Variants in GFI1B observed in about 807,000 individuals in gnomAD.
GFI1B encodes the protein growth factor independent 1B transcriptional repressor, also known as zinc finger protein Gfi-1b.
Under a neutral mutation model 35.3 loss-of-function variants are expected in GFI1B, and 20 were observed. That is an observed-to-expected ratio of 0.57 (90% CI 0.40 to 0.82). GFI1B has a LOEUF of 0.82. Ranked by LOEUF, GFI1B falls within the 40% of genes least tolerant of loss-of-function variation. GFI1B has a pLI of 0.00. For synonymous variants in GFI1B, 178 were observed against 177.6 expected (o/e 1.00, Z -0.02); for missense variants, 430 against 446.3 (o/e 0.96, Z 0.33).
At chr9:132,984,753 C>T (rs1181065823) in intron 1 of GFI1B, among the ~76,000 whole-genome samples, 1 of 152,202 alleles carries the variant, frequency 6.6e-6, no homozygotes, top group Non-Finnish European at 1.5e-5. Context: ...CAGGCAAGGG[C>T]TGGGCCTGAG....
chr9:132,982,076 G>A (rs1022697567), intron 1 of GFI1B, among the ~76,000 whole-genome samples: 9 of 152,158 alleles, frequency 5.9e-5, no homozygotes, highest in African/African-American at 2.2e-4. Flanking sequence ...TAAACATAAA[G>A]GAAGTCAAAA....
In GFI1B at chr9:132,987,274, C is replaced by T. The variant is rs375174600; in HGVS notation, c.101-8C>T. 2 of 1,613,508 alleles carry T rather than the reference C, an allele frequency of 1.2e-6. No homozygotes were observed. Among genetic ancestry groups the T allele is most frequent in the Non-Finnish European group, 1.7e-6 (2 of 1,179,696 alleles). On this transcript the variant is annotated splice_region_variant and splice_polypyrimidine_tract_variant and intron_variant, in intron 2 of 6. Transcript: ENST00000372122. Reference sequence around the variant, plus strand: ...GCTATTGATGCTGATGGTCCTATCTCCCCACAGTGCCCAGAGACCAGGCTC... The same window carrying T: ...GCTATTGATGCTGATGGTCCTATCTTCCCACAGTGCCCAGAGACCAGGCTC...
intron 1 of GFI1B, among the ~76,000 whole-genome samples, chr9:132,948,206 A>C (rs1420942925): frequency 6.6e-6 from 1 of 151,484 alleles, no homozygotes; most frequent in Non-Finnish European, 1.5e-5. Flanking sequence ...TAAAAAAAAA[A>C]AGCAATTTTT....
chr9:132,965,788 A>G (rs1434531664), intron 1 of GFI1B, among the ~76,000 whole-genome samples: 1 of 152,164 alleles, frequency 6.6e-6, no homozygotes, highest in African/African-American at 2.4e-5. Context: ...TTGATTTCCG[A>G]CTTCCAGCCT....
intron 1 of GFI1B, among the ~76,000 whole-genome samples, chr9:132,963,104 A>C (rs1848393251): frequency 6.7e-6 from 1 of 150,186 alleles, no homozygotes; most frequent in Non-Finnish European, 1.5e-5. Flanking sequence ...AAAAAAAAAA[A>C]GGAATCTATT....
chr9:132,989,957 T>C lies in GFI1B; in HGVS notation c.814+50T>C, dbSNP rs1849230050. 2 of 1,539,870 alleles carry C rather than the reference T, an allele frequency of 1.3e-6. No individual in the cohort carries two copies. The highest frequency in any genetic ancestry group is 1.1e-5 in the South Asian group (1 of 89,264). On this transcript the variant is annotated intron_variant, in intron 6 of 6. Coordinates refer to ENST00000372122, the MANE Select transcript of GFI1B (RefSeq NM_001377304.1). This position sits in a 1 kb window ranked among gnomAD's most constrained non-coding sequence, Gnocchi z 6.2. ...CCCCCTGGGCAGAGCACCCCCACCTTTCCCTGAGAGATGCATCAGAGGCCC... is the reference window on the plus strand; with the variant it reads ...CCCCCTGGGCAGAGCACCCCCACCTCTCCCTGAGAGATGCATCAGAGGCCC...
chr9:132,956,193 C>T (rs1476607664), intron 1 of GFI1B, among the ~76,000 whole-genome samples: 1 of 152,154 alleles, frequency 6.6e-6, no homozygotes, highest in Non-Finnish European at 1.5e-5. Flanking sequence ...GTTTCTTGGC[C>T]TCTTAAGCTG....
At chr9:132,981,946 T>C (rs888671388) in intron 1 of GFI1B, among the ~76,000 whole-genome samples, 4 of 152,120 alleles carry the variant, frequency 2.6e-5, no homozygotes, top group Non-Finnish European at 4.4e-5. Flanking sequence ...AGAGACGGGG[T>C]TTCCCCATGT....
At chr9:132,960,543 T>C (rs186199093) in intron 1 of GFI1B, among the ~76,000 whole-genome samples, 175 of 152,088 alleles carry the variant, frequency 1.2e-3, no homozygotes, top group African/African-American at 3.8e-3. Flanking sequence ...TTGTCCCTGC[T>C]TGGAGTACAG....
intron 1 of GFI1B, among the ~76,000 whole-genome samples, chr9:132,964,589 C>T (rs559592721): frequency 2.0e-5 from 3 of 152,188 alleles, no homozygotes; most frequent in Admixed American, 2.0e-4. Context: ...TTGCAAAAAC[C>T]ACAACCTTGC....
At chr9:132,963,672 C>T (rs911432994) in intron 1 of GFI1B, 4 of 151,868 alleles carry the variant, frequency 2.6e-5, no homozygotes, top group Admixed American at 6.6e-5. Context: ...TTTCTTATGG[C>T]ATTATCTGCA....
intron 1 of GFI1B, among the ~76,000 whole-genome samples, chr9:132,980,153 T>A (rs1279861443): frequency 6.6e-6 from 1 of 152,080 alleles, no homozygotes; most frequent in Non-Finnish European, 1.5e-5. Context: ...ATACCTGGTT[T>A]CGGTTTGATT....
chr9:132,985,131 G>A (rs961346560), intron 1 of GFI1B, among the ~76,000 whole-genome samples: 50 of 152,346 alleles, frequency 3.3e-4, no homozygotes, highest in African/African-American at 1.1e-3. Flanking sequence ...TGGGTGCAGC[G>A]TGGGGGCAGA....
At chr9:132,986,610 G>A (rs898639352) in intron 1 of GFI1B, 49 bp from the exon 2 acceptor site, 6 of 890,168 alleles carry the variant, frequency 6.7e-6, no homozygotes, top group South Asian at 1.4e-5. Flanking sequence ...ATATGGAGGG[G>A]TATTGTTCTC....
upstream of GFI1B, chr9:132,975,288 C>T (rs895222976): frequency 6.6e-6 from 1 of 152,246 alleles, no homozygotes; most frequent in Non-Finnish European, 1.5e-5. Flanking sequence ...GCTCAGCTCT[C>T]AAAAGTCCTA....
At chr9:132,968,106 ATTTATTTATTTATTT>A (rs1848476607) in intron 1 of GFI1B, among the ~76,000 whole-genome samples, 2 of 144,614 alleles carry the variant, frequency 1.4e-5, no homozygotes, top group African/African-American at 5.2e-5. Context: ...TTATTTATTT[ATTTATTTATTTATTT>A]ATTTATTTGA....
At chr9:132,975,064 A>T (rs1204968981), upstream of GFI1B, 1 of 152,272 alleles carries the variant, frequency 6.6e-6, no homozygotes, top group Non-Finnish European at 1.5e-5. Flanking sequence ...GTTCAAGACC[A>T]GCCTGGGCTA....
At chr9:132,964,518 G>A (rs1848418876) in intron 1 of GFI1B, among the ~76,000 whole-genome samples, 1 of 152,130 alleles carries the variant, frequency 6.6e-6, no homozygotes, top group African/African-American at 2.4e-5. Flanking sequence ...AGCCGGGGAA[G>A]GCCATGACGG....
In GFI1B at chr9:132,989,388, A is replaced by G. The variant is rs1849203982; in HGVS notation, c.648+190A>G. Among the ~76,000 whole-genome samples, 2 of 152,040 alleles carry G rather than the reference A, an allele frequency of 1.3e-5. No homozygotes were observed. The highest frequency in any genetic ancestry group is 6.5e-5 in the Admixed American group (1 of 15,276). On this transcript the variant is annotated intron_variant, in intron 5 of 6. Coordinates refer to ENST00000372122, the MANE Select transcript of GFI1B (RefSeq NM_001377304.1). The surrounding 1 kb of genome is among the most constrained non-coding windows in gnomAD (Gnocchi z 6.2). Reference sequence around the variant, plus strand: ...GCCCTTAACAAACTTCAGACTCTTAACTAAACCACCGTGCAGACCACAACC... The same window carrying G: ...GCCCTTAACAAACTTCAGACTCTTAGCTAAACCACCGTGCAGACCACAACC...
Sources: gnomAD v4.1 joint callset for allele counts (sites outside exome capture counted in the v4.1 genomes callset) on GRCh38, gnomAD v4.1.1 for gene constraint, Gnocchi (gnomAD v3.1) non-coding constraint, MANE v1.5 for transcripts, NCBI Gene and HGNC (gene_info 2026-07-23, HGNC 2026-07-21) for gene names.